LRBA: variants seen among roughly 807,000 people sequenced by gnomAD.
LRBA encodes lipopolysaccharide-responsive and beige-like anchor protein.
In LRBA, 176 loss-of-function variants were observed where a neutral mutation model predicts 330.0. That is an observed-to-expected ratio of 0.53 (90% CI 0.47 to 0.60). The LOEUF is 0.60. Among genes scored for constraint, LRBA ranks in the 20% least tolerant of loss-of-function variants. The pLI is 0.00. For missense variants in LRBA, 3,259 were observed against 3,444.8 expected (o/e 0.95, Z 1.35); for synonymous variants, 1,230 against 1,193.0 (o/e 1.03, Z -0.64).
chr4:150,465,493 A>G (rs1755330901), intron 44 of LRBA, among the ~76,000 whole-genome samples: 1 of 152,118 alleles, frequency 6.6e-6, no homozygotes, highest in East Asian at 1.9e-4. Context: ...CAAGGGTTCC[A>G]ATTTTCCACA....
chr4:150,417,244 T>C (rs6833359), intron 46 of LRBA, among the ~76,000 whole-genome samples: 22,914 of 152,054 alleles, frequency 0.15, 1,746 homozygotes, highest in Middle Eastern at 0.17. Flanking sequence ...TATACAGCAA[T>C]TGTTATATAA....
At chr4:150,390,459 C>A (rs1743758795) in intron 47 of LRBA, among the ~76,000 whole-genome samples, 1 of 152,196 alleles carries the variant, frequency 6.6e-6, no homozygotes, top group Non-Finnish European at 1.5e-5. Context: ...ACAGCAATCT[C>A]ATTTTAAGAG....
chr4:150,677,990 A>C (rs1309487765), intron 37 of LRBA, among the ~76,000 whole-genome samples: 1 of 152,090 alleles, frequency 6.6e-6, no homozygotes, highest in Non-Finnish European at 1.5e-5. Context: ...CCATAATCCT[A>C]GCACTTTGGG....
intron 35 of LRBA, among the ~76,000 whole-genome samples, chr4:150,752,048 A>G (rs1171699617): frequency 6.6e-6 from 1 of 152,180 alleles, no homozygotes; most frequent in Admixed American, 6.5e-5. Context: ...CTAATAATTG[A>G]GAATGTGGAA....
At chr4:150,432,728 T>C (rs1435185731) in intron 46 of LRBA, among the ~76,000 whole-genome samples, 2 of 151,964 alleles carry the variant, frequency 1.3e-5, no homozygotes, top group African/African-American at 2.4e-5. Flanking sequence ...TGTTCTTATA[T>C]ATTTATCTCT....
chr4:150,829,642 C>G (rs1746859179), intron 29 of LRBA, among the ~76,000 whole-genome samples: 1 of 152,132 alleles, frequency 6.6e-6, no homozygotes, highest in South Asian at 2.1e-4. Flanking sequence ...ACCTCTTTTT[C>G]TCCCTGATTT....
chr4:150,422,630 A>C, intron 46 of LRBA: 1 of 603,806 alleles, frequency 1.7e-6, no homozygotes, highest in South Asian at 1.9e-5. Flanking sequence ...TTCCATGAAG[A>C]GCACCCTGAG....
intron 40 of LRBA, among the ~76,000 whole-genome samples, chr4:150,533,735 C>CA (rs1203056471): frequency 6.6e-6 from 1 of 152,188 alleles, no homozygotes; most frequent in Non-Finnish European, 1.5e-5. Context: ...TCTTTCCCCC[C>CA]ATTCCAGTGT....
At position 150,473,493 on chromosome 4, in the gene LRBA, C is replaced by T. The variant is rs529129219; in HGVS notation, c.6552-1754G>A. Among the ~76,000 whole-genome samples, 246 of 152,266 alleles carry T rather than the reference C, an allele frequency of 1.6e-3. 2 individuals are homozygous for T. Among genetic ancestry groups the T allele is most frequent in the African/African-American group, 5.8e-3 (243 of 41,544 alleles). ...GCTTAGTAATGCGGACTGCTCTCTC[C>T]AGTATGGTGAGCATCATCCAGTCAA... On this transcript the variant is annotated intron_variant, in intron 42 of 56. Transcript: ENST00000651943.
chr4:150,469,014 A>C (rs948293509), intron 43 of LRBA, among the ~76,000 whole-genome samples: 5 of 152,018 alleles, frequency 3.3e-5, no homozygotes, highest in African/African-American at 1.2e-4. Context: ...CCATTAAAAA[A>C]ACCAAACATA....
chr4:150,593,079 C>G (rs972212350), intron 38 of LRBA, among the ~76,000 whole-genome samples: 61 of 152,180 alleles, frequency 4.0e-4, no homozygotes, highest in African/African-American at 1.4e-3. Flanking sequence ...TGAGGCTAAA[C>G]AAGATCTTTT....
chr4:150,359,387 G>A (rs941708054), intron 47 of LRBA, among the ~76,000 whole-genome samples: 1 of 152,162 alleles, frequency 6.6e-6, no homozygotes, highest in Non-Finnish European at 1.5e-5. Context: ...GGTAGTGAGA[G>A]CCTTAATCAA....
chr4:150,694,631 G>A (rs920627727), intron 36 of LRBA, among the ~76,000 whole-genome samples: 2 of 151,952 alleles, frequency 1.3e-5, no homozygotes, highest in South Asian at 4.2e-4. Context: ...TCAAAGTATT[G>A]ATTTCTCTCA....
intron 40 of LRBA, among the ~76,000 whole-genome samples, chr4:150,527,233 A>G (rs923081796): frequency 6.6e-6 from 1 of 152,276 alleles, no homozygotes; most frequent in East Asian, 1.9e-4. Context: ...TTTCAACCAT[A>G]CTTTTCTTTC....
chr4:150,467,599 A>G (rs1755598566), intron 44 of LRBA, 74 bp downstream of exon 44: 1 of 940,862 alleles, frequency 1.1e-6, no homozygotes, highest in Non-Finnish European at 1.6e-6. Flanking sequence ...TAAGTTAAGT[A>G]AAATAACGAA....
At chr4:150,414,403 T>C (rs938802026) in intron 47 of LRBA, among the ~76,000 whole-genome samples, 5 of 152,242 alleles carry the variant, frequency 3.3e-5, no homozygotes, top group African/African-American at 1.2e-4. Flanking sequence ...ATTTTCCTTT[T>C]TTACATGTGA....
At chr4:150,461,430 T>G (rs1364598902) in intron 44 of LRBA, among the ~76,000 whole-genome samples, 2 of 151,804 alleles carry the variant, frequency 1.3e-5, no homozygotes, top group Non-Finnish European at 3.0e-5. Context: ...TGCTACGGTA[T>G]CCCATTCATT....
At chr4:150,579,583 CCTT>C (rs1372638544) in intron 40 of LRBA, 1 of 445,362 alleles carries the variant, frequency 2.2e-6, no homozygotes, top group Non-Finnish European at 4.5e-6. Context: ...GTTTTATCAT[CCTT>C]CCCTCTGTAT....
In LRBA at chr4:150,287,122, A is replaced by G. The variant is rs113200179; in HGVS notation, c.8018-1088T>C. Among the ~76,000 whole-genome samples the G allele has an allele frequency of 4.2e-3, 637 of 152,316 alleles. 5 individuals are homozygous for G. Among genetic ancestry groups the G allele is most frequent in the African/African-American group, 0.014 (584 of 41,572 alleles). ...AAGAGACAAATGTGCCCACAGAGTA[A>G]GTGGCTACCACCAGCTATGGAACTC... On this transcript the variant is annotated intron_variant, in intron 53 of 56. Coordinates refer to ENST00000651943, the MANE Select transcript of LRBA (RefSeq NM_001364905.1).
Sources: allele counts gnomAD v4.1 joint callset (sites outside exome capture counted in the v4.1 genomes callset), GRCh38; gene constraint gnomAD v4.1.1; transcripts MANE v1.5; gene names NCBI Gene and HGNC (gene_info 2026-07-23, HGNC 2026-07-21).